The following PHKB variants were observed in gnomAD, a reference collection of about 807,000 sequenced individuals.
PHKB encodes phosphorylase kinase regulatory subunit beta.
PHKB carries 122 observed loss-of-function variants against 152.1 expected under a neutral mutation model. That is an observed-to-expected ratio of 0.80 (90% CI 0.69 to 0.93). The LOEUF (loss-of-function observed/expected upper bound fraction) is 0.93. Among genes scored for constraint, PHKB ranks in the 40% least tolerant of loss-of-function variants. The probability of loss-of-function intolerance (pLI) is 0.00; values close to 1 mark genes in which losing one functional copy is unlikely to be tolerated. For missense variants in PHKB, 1,304 were observed against 1,328.4 expected, an observed-to-expected ratio of 0.98 and a Z score of 0.29; for synonymous variants, 436 against 464.9, an observed-to-expected ratio of 0.94 and a Z score of 0.80.
intron 1 of PHKB, among the ~76,000 whole-genome samples, chr16:47,473,891 C>T (rs569425028): frequency 3.3e-5 from 5 of 152,264 alleles, no homozygotes; most frequent in Non-Finnish European, 7.4e-5. Flanking sequence ...TTAAAGTCTA[C>T]TCTTCTAGCA....
chr16:47,585,461 A>T (rs1971920100), intron 8 of PHKB, among the ~76,000 whole-genome samples: 1 of 152,206 alleles, frequency 6.6e-6, no homozygotes, highest in African/African-American at 2.4e-5. Context: ...GTGTCTGATT[A>T]TTTAAAGTAG....
intron 14 of PHKB, among the ~76,000 whole-genome samples, chr16:47,618,394 C>T (rs1336916869): frequency 2.6e-5 from 4 of 152,132 alleles, no homozygotes; most frequent in African/African-American, 9.7e-5. Flanking sequence ...GAGCCCAGGC[C>T]TCACCTGCTG....
At chr16:47,474,096 T>C (rs979375294) in intron 1 of PHKB, among the ~76,000 whole-genome samples, 2 of 152,242 alleles carry the variant, frequency 1.3e-5, no homozygotes, top group African/African-American at 2.4e-5. Context: ...ATATATATCA[T>C]TGATTTTTCA....
intron 1 of PHKB, among the ~76,000 whole-genome samples, chr16:47,496,126 A>T (rs1167102003): frequency 6.6e-6 from 1 of 151,960 alleles, no homozygotes; most frequent in Non-Finnish European, 1.5e-5. Flanking sequence ...ATCTGTGCCA[A>T]TGTGATTTCT....
At chr16:47,598,808 T>C in intron 13 of PHKB, 1 of 1,596,602 alleles carries the variant, frequency 6.3e-7, no homozygotes, top group Non-Finnish European at 8.6e-7. Flanking sequence ...TCTAATTTTT[T>C]AACATCTGGT....
At chr16:47,546,869 C>A (rs962662332) in intron 6 of PHKB, among the ~76,000 whole-genome samples, 1 of 152,164 alleles carries the variant, frequency 6.6e-6, no homozygotes, top group East Asian at 1.9e-4. Flanking sequence ...GACTGCCGTT[C>A]TAACAGTGAG....
intron 1 of PHKB, among the ~76,000 whole-genome samples, chr16:47,464,836 GC>G (rs1482372581): frequency 6.6e-6 from 1 of 152,206 alleles, no homozygotes; most frequent in Non-Finnish European, 1.5e-5. Flanking sequence ...ACTCGGAGAA[GC>G]CTGCTGGTAA....
intron 1 of PHKB, among the ~76,000 whole-genome samples, chr16:47,481,875 TTTCCATGACCTTTTAGCTATGAAGACC>T (rs1229079884): frequency 3.3e-5 from 5 of 152,294 alleles, no homozygotes; most frequent in South Asian, 4.1e-4. Flanking sequence ...ACGCTTGTTG[TTTCCATGACCTTTTAGCTATGAAGACC>T]TTCCATGACC....
chr16:47,568,484 T>C (rs1469304885), intron 7 of PHKB, among the ~76,000 whole-genome samples: 3 of 152,198 alleles, frequency 2.0e-5, no homozygotes, highest in African/African-American at 7.2e-5. Context: ...ACCAACCTGT[T>C]GTTTCATTGA....
At chr16:47,488,957 A>T (rs549619938) in intron 1 of PHKB, among the ~76,000 whole-genome samples, 28 of 151,892 alleles carry the variant, frequency 1.8e-4, no homozygotes, top group South Asian at 8.3e-4. Flanking sequence ...AATTAAAAAA[A>T]TTTTTTTTTC....
chr16:47,555,478 T>A (rs552953425), intron 7 of PHKB, among the ~76,000 whole-genome samples: 7 of 152,202 alleles, frequency 4.6e-5, no homozygotes, highest in Non-Finnish European at 1.0e-4. Context: ...AATCACTATC[T>A]CCCAAACAAA....
chr16:47,687,253 T>C (rs1973980660), intron 26 of PHKB, among the ~76,000 whole-genome samples: 1 of 152,190 alleles, frequency 6.6e-6, no homozygotes, highest in Non-Finnish European at 1.5e-5. Context: ...AATATAACTT[T>C]TCGTTTTAAA....
chr16:47,639,515 G>C (rs1972979965), intron 14 of PHKB, among the ~76,000 whole-genome samples: 1 of 152,076 alleles, frequency 6.6e-6, no homozygotes, highest in Admixed American at 6.6e-5. Flanking sequence ...GAAATGCTTA[G>C]TTTTTACAAC....
At chr16:47,644,042 A>T (rs1973071973) in intron 16 of PHKB, among the ~76,000 whole-genome samples, 1 of 152,034 alleles carries the variant, frequency 6.6e-6, no homozygotes, top group Admixed American at 6.6e-5. Context: ...CACTAAATAA[A>T]TTGTCACAGA....
At chr16:47,507,797 A>G (rs1002293623) in intron 4 of PHKB, among the ~76,000 whole-genome samples, 2 of 152,252 alleles carry the variant, frequency 1.3e-5, no homozygotes, top group African/African-American at 4.8e-5. Flanking sequence ...GGACTGACTC[A>G]GGGAGATTGA....
chr16:47,491,876 G>A (rs940576718), intron 1 of PHKB, among the ~76,000 whole-genome samples: 1 of 152,158 alleles, frequency 6.6e-6, no homozygotes, highest in Non-Finnish European at 1.5e-5. Flanking sequence ...GGAGTCCCAG[G>A]CTGTTGGAGC....
intron 6 of PHKB, among the ~76,000 whole-genome samples, chr16:47,537,496 T>C (rs539878825): frequency 1.3e-5 from 2 of 152,232 alleles, no homozygotes; most frequent in Admixed American, 1.3e-4. Flanking sequence ...TGTTCGTTTT[T>C]CTTCAGAAAA....
intron 8 of PHKB, among the ~76,000 whole-genome samples, chr16:47,583,199 C>T (rs1971878950): frequency 6.6e-6 from 1 of 152,190 alleles, no homozygotes; most frequent in Non-Finnish European, 1.5e-5. Context: ...TTACAAATTC[C>T]CTTTCGTCTC....
chr16:47,618,615 A>G (rs1972563013), intron 14 of PHKB, among the ~76,000 whole-genome samples: 1 of 152,238 alleles, frequency 6.6e-6, no homozygotes, highest in Non-Finnish European at 1.5e-5. Context: ...CATATTTGAA[A>G]GAAAATTTAC....
Sources: gnomAD v4.1 joint callset for allele counts (sites outside exome capture counted in the v4.1 genomes callset) on GRCh38, gnomAD v4.1.1 for gene constraint, MANE v1.5 for transcripts, NCBI Gene and HGNC (gene_info 2026-07-23, HGNC 2026-07-21) for gene names.